Variants in ASB2 observed in about 807,000 individuals in gnomAD.
ASB2 encodes ankyrin repeat and SOCS box containing 2.
In ASB2, 58 loss-of-function variants were observed where a neutral mutation model predicts 62.4. The ratio of observed to expected loss-of-function variants is 0.93; its 90% CI spans 0.75 to 1.16. ASB2 has a LOEUF of 1.16. Among genes scored for constraint, ASB2 ranks in the 50% most tolerant of loss-of-function variants. The pLI is 0.00. For synonymous variants in ASB2, 386 were observed against 385.3 expected (o/e 1.00, Z -0.02); for missense variants, 928 against 887.9 (o/e 1.05, Z -0.57).
At chr14:93,968,880 GACC>G (rs1408410256) in intron 1 of ASB2, among the ~76,000 whole-genome samples, 1 of 140,182 alleles carries the variant, frequency 7.1e-6, no homozygotes, top group Admixed American at 7.2e-5. Context: ...TGAATGATAG[GACC>G]ACAACAGTGC....
chr14:93,935,210 T>C (rs771696442), intron 9 of ASB2, among the ~76,000 whole-genome samples: 2 of 152,062 alleles, frequency 1.3e-5, no homozygotes, highest in African/African-American at 4.8e-5. Context: ...TGCCCCTACA[T>C]GTGGAATTCA....
intron 7 of ASB2, chr14:93,942,093 C>G: frequency 2.2e-6 from 1 of 446,990 alleles, no homozygotes; most frequent in Non-Finnish European, 4.5e-6. Flanking sequence ...TTGGTAGCCC[C>G]ACTGCACATC....
At chr14:93,957,127 C>T (rs1889253627) in intron 2 of ASB2, 2 of 1,359,922 alleles carry the variant, frequency 1.5e-6, no homozygotes, top group Non-Finnish European at 1.9e-6. Flanking sequence ...AGGTTAACCT[C>T]ACCCCACCCC....
chr14:93,962,922 G>A lies in ASB2; in HGVS notation c.206+1412C>T, dbSNP rs143589912. On this transcript the variant is annotated intron_variant, in intron 2 of 9. Coordinates refer to ENST00000555019, the MANE Select transcript of ASB2 (RefSeq NM_001202429.2). Reference sequence around the variant, plus strand: ...ATGAGCCAAGATGAACCCAGTCCTTGGCTTCAGGTTTCTGTTTCTCAGATT... The same window carrying A: ...ATGAGCCAAGATGAACCCAGTCCTTAGCTTCAGGTTTCTGTTTCTCAGATT... Among the ~76,000 whole-genome samples, 242 of 152,352 alleles carry A rather than the reference G, an allele frequency of 1.6e-3. 2 individuals carry two copies. Among genetic ancestry groups the A allele is most frequent in the African/African-American group, 5.4e-3 (224 of 41,584 alleles).
Position 93,947,530 on chromosome 14 carries a change from G to C in ASB2, c.881-10C>G. ...GTGTTGATGTCAGCACCTGGGGAAG[G>C]AGAAGAGATCAGCAAGTGGCCAAGT... On this transcript the variant is annotated splice_polypyrimidine_tract_variant and intron_variant, in intron 6 of 9. Transcript: ENST00000555019. 6.2e-7 allele frequency: 1 copy of C among 1,612,906 alleles called. No individual in the cohort carries two copies. Among genetic ancestry groups the C allele is most frequent in the Non-Finnish European group, 8.5e-7 (1 of 1,179,692 alleles).
Position 93,964,497 on chromosome 14 carries a change from C to T in ASB2, c.43G>A (p.Gly15Arg). Residue 15 changes from glycine to arginine, a missense_variant, in exon 2 of 10, where the codon GGG becomes AGG. By Grantham distance (125) the Gly-to-Arg change is moderately radical. Coordinates refer to ENST00000555019, the MANE Select transcript of ASB2 (RefSeq NM_001202429.2). ...ISTRGSQCTI[G>R]QEEYSLYSSL... ...CTGTACAGGCTGTACTCCTCCTGCC[C>T]AATGGTACACTGGCTGCCCCGAGTG... The T allele has an allele frequency of 1.3e-6, 2 of 1,536,092 alleles. No homozygotes were observed. Among genetic ancestry groups the T allele is most frequent in the Non-Finnish European group, 8.7e-7 (1 of 1,146,906 alleles).
intron 1 of ASB2, among the ~76,000 whole-genome samples, chr14:93,972,938 C>T (rs1390911803): frequency 6.6e-6 from 1 of 152,094 alleles, no homozygotes; most frequent in African/African-American, 2.4e-5. Flanking sequence ...CCAGTTTACC[C>T]CCAGCCACCA....
intron 3 of ASB2, among the ~76,000 whole-genome samples, chr14:93,956,197 C>T (rs887646400): frequency 2.0e-5 from 3 of 152,156 alleles, no homozygotes; most frequent in African/African-American, 2.4e-5. Flanking sequence ...AGCGCATTAG[C>T]CCTGCCCCCT....
chr14:93,944,717 A>C (rs1007634843), intron 7 of ASB2, among the ~76,000 whole-genome samples: 6 of 152,216 alleles, frequency 3.9e-5, no homozygotes, highest in Non-Finnish European at 8.8e-5. Context: ...ACAGAGGGAA[A>C]TGGGGCCCGG....
intron 2 of ASB2, among the ~76,000 whole-genome samples, chr14:93,963,572 G>A (rs987500428): frequency 2.6e-5 from 4 of 152,188 alleles, no homozygotes; most frequent in Non-Finnish European, 4.4e-5. Flanking sequence ...GCTAGGGAGC[G>A]CTTGAAACGT....
chr14:93,957,256 C>T (rs1889259983), intron 2 of ASB2: 1 of 1,177,798 alleles, frequency 8.5e-7, no homozygotes, highest in African/African-American at 1.6e-5. Flanking sequence ...CTCAGGCTCA[C>T]TGCTGGCCAG....
Position 93,964,400 on chromosome 14 carries a change from G to A in ASB2, c.140C>T (p.Thr47Ile), listed in dbSNP as rs762373381. The change falls in exon 2 of 10, where the codon ACC becomes ATC. Residue 47 changes from threonine to isoleucine, a missense_variant. Transcript: ENST00000555019. ...TGCAGACGCGGTGGCCTCAGCAGTG[G>A]TTGGGCCCCTTGTCTTGTCCGCTAG... is the stretch of plus-strand genomic sequence containing the variant. ...QSLADKTRGP[T>I]TAEATASACT... 2 of 1,536,090 alleles carry A rather than the reference G, an allele frequency of 1.3e-6. No homozygotes were observed. Among genetic ancestry groups the A allele is most frequent in the Non-Finnish European group, 1.7e-6 (2 of 1,146,896 alleles).
At chr14:93,935,412 A>G (rs1299896837) in intron 9 of ASB2, among the ~76,000 whole-genome samples, 1 of 138,744 alleles carries the variant, frequency 7.2e-6, no homozygotes, top group African/African-American at 2.7e-5. Flanking sequence ...GGGCTTGTAG[A>G]ATCACAGAAT....
intron 1 of ASB2, among the ~76,000 whole-genome samples, chr14:93,966,203 A>G: frequency 6.6e-6 from 1 of 152,168 alleles, no homozygotes; most frequent in East Asian, 1.9e-4. Flanking sequence ...TAGTCCCCTC[A>G]ATGGCCATTT....
Position 93,964,386 on chromosome 14 carries a change from T to G in ASB2, c.154A>C (p.Thr52Pro), listed in dbSNP as rs1258408901. ...TGGCGGTTGGTACATGCAGACGCGG[T>G]GGCCTCAGCAGTGGTTGGGCCCCTT... ...KTRGPTTAEA[T>P]ASACTNRQPA... Residue 52 changes from threonine to proline, a missense_variant, in exon 2 of 10, where the codon ACC (threonine) becomes CCC (proline). Thr to Pro is a conservative substitution (Grantham distance 38). Coordinates refer to ENST00000555019, the MANE Select transcript of ASB2 (RefSeq NM_001202429.2). The G allele has an allele frequency of 4.6e-6, 7 of 1,536,130 alleles. No homozygotes were observed. In the Admixed American group the frequency reaches 1.4e-4, roughly 30 times the overall value.
intron 5 of ASB2, among the ~76,000 whole-genome samples, chr14:93,951,477 G>C (rs1460256627): frequency 6.6e-6 from 1 of 152,210 alleles, no homozygotes; most frequent in African/African-American, 2.4e-5. Context: ...TCTGTGCCAG[G>C]CTCTCTGTTC....
intron 1 of ASB2, among the ~76,000 whole-genome samples, chr14:93,966,214 C>T (rs186126130): frequency 6.6e-6 from 1 of 152,202 alleles, no homozygotes; most frequent in Non-Finnish European, 1.5e-5. Context: ...ATGGCCATTT[C>T]CCCCATCTTC....
Position 93,939,171 on chromosome 14 carries a change from G to C in ASB2, c.1554C>G (p.Ala518=), listed in dbSNP as rs774844789. 5 of 1,573,226 alleles carry C rather than the reference G, an allele frequency of 3.2e-6. No homozygotes were observed. Among genetic ancestry groups the C allele is most frequent in the Non-Finnish European group, 4.3e-6 (5 of 1,152,616 alleles). ...CLYGNGPHPP[A]PQPSSRFNDA... is the part of the protein sequence containing the mutation. ...CGTTGAACCTGCTGGAGGGCTGCGG[G>C]GCCGGCGGGTGCGGGCCGTTGCCGT... Residue 518 remains alanine (A), a synonymous_variant, in exon 8 of 10, where the codon GCC becomes GCG. Coordinates refer to ENST00000555019, the MANE Select transcript of ASB2 (RefSeq NM_001202429.2).
Position 93,964,462 on chromosome 14 carries a change from G to T in ASB2, c.78C>A (p.Ser26Arg). 1.3e-6 allele frequency: 2 copies of T among 1,536,036 alleles called. No homozygotes were observed. The highest frequency in any genetic ancestry group is 1.7e-6 in the Non-Finnish European group (2 of 1,146,894). Reference sequence around the variant, plus strand: ...TGGCCATCTGCACCAGTTCATCCTCGCTCAGGCTGCTGTACAGGCTGTACT... The same window carrying T: ...TGGCCATCTGCACCAGTTCATCCTCTCTCAGGCTGCTGTACAGGCTGTACT... Reference protein sequence around the residue: ...QEEYSLYSSLSEDELVQMAIE... With the variant: ...QEEYSLYSSLREDELVQMAIE... Residue 26 changes from serine to arginine, a missense_variant, in exon 2 of 10, where the codon AGC (serine) becomes AGA (arginine). Ser to Arg is a moderately radical substitution (Grantham distance 110, BLOSUM62 -1). Coordinates refer to ENST00000555019, the MANE Select transcript of ASB2 (RefSeq NM_001202429.2).
Sources: allele counts gnomAD v4.1 joint callset (sites outside exome capture counted in the v4.1 genomes callset), GRCh38; gene constraint gnomAD v4.1.1; transcripts MANE v1.5; gene names NCBI Gene and HGNC (gene_info 2026-07-23, HGNC 2026-07-21).